ADAMTS6: variants seen among roughly 807,000 people sequenced by gnomAD.
ADAMTS6 encodes the protein A disintegrin and metalloproteinase with thrombospondin motifs 6.
In ADAMTS6, 23 loss-of-function variants were observed where a neutral mutation model predicts 144.3. The observed-to-expected ratio is 0.16, with a 90% CI of 0.11 to 0.23. ADAMTS6 has a LOEUF of 0.23. Ranked by LOEUF, ADAMTS6 falls within the 10% of genes least tolerant of loss-of-function variation. The pLI is 1.00. For synonymous variants in ADAMTS6, 444 were observed against 457.5 expected (o/e 0.97, Z 0.38); for missense variants, 999 against 1,379.6 (o/e 0.72, Z 4.37).
intron 15 of ADAMTS6, among the ~76,000 whole-genome samples, chr5:65,229,272 G>C (rs1757957659): frequency 2.0e-5 from 3 of 152,134 alleles, no homozygotes; most frequent in Admixed American, 1.3e-4. Flanking sequence ...CATAGAAAAG[G>C]TCTGAGAGAG....
chr5:65,191,135 T>G (rs982267453), intron 21 of ADAMTS6, among the ~76,000 whole-genome samples: 5 of 152,140 alleles, frequency 3.3e-5, no homozygotes, highest in Admixed American at 6.5e-5. Context: ...TTTCTGAGCT[T>G]TTCCCAATAC....
At chr5:65,309,768 A>C (rs2112836811) in intron 9 of ADAMTS6, among the ~76,000 whole-genome samples, 1 of 152,236 alleles carries the variant, frequency 6.6e-6, no homozygotes, top group African/African-American at 2.4e-5. Flanking sequence ...TTTGGTTCTC[A>C]AGTTTTGAAG....
chr5:65,337,093 G>A (rs894772056), intron 7 of ADAMTS6, among the ~76,000 whole-genome samples: 1 of 151,998 alleles, frequency 6.6e-6, no homozygotes, highest in Non-Finnish European at 1.5e-5. Context: ...GAATCAAGTT[G>A]TATTTATACT....
chr5:65,264,364 CT>C (rs1207536090), intron 12 of ADAMTS6, among the ~76,000 whole-genome samples: 2 of 152,106 alleles, frequency 1.3e-5, no homozygotes, highest in African/African-American at 4.8e-5. Flanking sequence ...AATCTTGTTC[CT>C]CCTTAGAGCA....
At chr5:65,418,882 T>TA in intron 7 of ADAMTS6, among the ~76,000 whole-genome samples, 1 of 152,112 alleles carries the variant, frequency 6.6e-6, no homozygotes, top group South Asian at 2.1e-4. Context: ...GGCTATTATT[T>TA]AAAAAAACCA....
intron 7 of ADAMTS6, among the ~76,000 whole-genome samples, chr5:65,357,796 C>T (rs182068936): frequency 6.6e-6 from 1 of 151,764 alleles, no homozygotes; most frequent in Admixed American, 6.6e-5. Flanking sequence ...TGATGAAATA[C>T]AAACTCTAAC....
At chr5:65,279,515 C>T (rs182645727) in intron 11 of ADAMTS6, among the ~76,000 whole-genome samples, 1 of 152,150 alleles carries the variant, frequency 6.6e-6, no homozygotes, top group African/African-American at 2.4e-5. Context: ...CAGGGTTTCA[C>T]CACATTGGCC....
At chr5:65,261,286 G>A (rs1041567499) in intron 13 of ADAMTS6, among the ~76,000 whole-genome samples, 12 of 152,040 alleles carry the variant, frequency 7.9e-5, no homozygotes, top group African/African-American at 2.9e-4. Flanking sequence ...TAATGAAACA[G>A]TAAGACGTCA....
At chr5:65,271,159 G>A (rs1162271394) in intron 12 of ADAMTS6, among the ~76,000 whole-genome samples, 4 of 152,122 alleles carry the variant, frequency 2.6e-5, no homozygotes, top group South Asian at 2.1e-4. Flanking sequence ...GGAGGCCGAG[G>A]TGGGCGGATC....
chr5:65,360,227 A>G (rs940441837), intron 7 of ADAMTS6, among the ~76,000 whole-genome samples: 3 of 152,296 alleles, frequency 2.0e-5, no homozygotes, highest in Non-Finnish European at 4.4e-5. Context: ...CCAGAGCAGG[A>G]GGAAGAGAGA....
intron 7 of ADAMTS6, among the ~76,000 whole-genome samples, chr5:65,404,973 C>A (rs993195920): frequency 6.6e-6 from 1 of 152,168 alleles, no homozygotes; most frequent in African/African-American, 2.4e-5. Context: ...ATATCCTTTG[C>A]CCACTTTTTG....
At chr5:65,320,151 A>C (rs1415718606) in intron 9 of ADAMTS6, among the ~76,000 whole-genome samples, 1 of 152,166 alleles carries the variant, frequency 6.6e-6, no homozygotes, top group Non-Finnish European at 1.5e-5. Context: ...CCACCAAAAG[A>C]TGTTTTTTAA....
chr5:65,455,958 GT>G (rs1202409803), intron 4 of ADAMTS6, among the ~76,000 whole-genome samples: 2 of 151,742 alleles, frequency 1.3e-5, no homozygotes, highest in African/African-American at 4.8e-5. Context: ...TTATTTGAAT[GT>G]TAAAACTATA....
At chr5:65,416,087 C>A in intron 7 of ADAMTS6, 1 of 195,866 alleles carries the variant, frequency 5.1e-6, no homozygotes, top group East Asian at 1.3e-4. Flanking sequence ...AGACCTACAG[C>A]CACCTGACCC....
intron 7 of ADAMTS6, among the ~76,000 whole-genome samples, chr5:65,340,547 A>G (rs1299611038): frequency 1.3e-5 from 2 of 152,104 alleles, no homozygotes; most frequent in African/African-American, 2.4e-5. Flanking sequence ...GGAAGGAAGG[A>G]GCAAATGATA....
At chr5:65,397,316 T>C (rs1286437269) in intron 7 of ADAMTS6, among the ~76,000 whole-genome samples, 1 of 152,112 alleles carries the variant, frequency 6.6e-6, no homozygotes, top group Non-Finnish European at 1.5e-5. Flanking sequence ...AATTTATTGA[T>C]TTCTGCCCTA....
chr5:65,185,106 C>T (rs1862570), intron 22 of ADAMTS6, among the ~76,000 whole-genome samples: 16,835 of 152,202 alleles, frequency 0.11, 1,069 homozygotes, highest in African/African-American at 0.16. Context: ...CCTGCTCTTC[C>T]GCTGGGACCT....
chr5:65,229,694 A>T (rs11747988), intron 15 of ADAMTS6, among the ~76,000 whole-genome samples: 4 of 152,066 alleles, frequency 2.6e-5, no homozygotes, highest in East Asian at 3.9e-4. Flanking sequence ...ATCCAGCAGA[A>T]GAAAGAATTT....
intron 7 of ADAMTS6, among the ~76,000 whole-genome samples, chr5:65,389,006 G>A (rs1752693778): frequency 6.6e-6 from 1 of 152,118 alleles, no homozygotes; most frequent in African/African-American, 2.4e-5. Context: ...AGGAGATCGA[G>A]ACCATCCTGG....
Sources: allele counts gnomAD v4.1 joint callset (sites outside exome capture counted in the v4.1 genomes callset), GRCh38; gene constraint gnomAD v4.1.1; transcripts MANE v1.5; gene names NCBI Gene and HGNC (gene_info 2026-07-23, HGNC 2026-07-21).